PTPRD: variants seen among roughly 807,000 people sequenced by gnomAD.
The protein encoded by PTPRD is protein tyrosine phosphatase receptor type D.
PTPRD carries 34 observed loss-of-function variants against 214.5 expected under a neutral mutation model. The ratio of observed to expected loss-of-function variants is 0.16; its 90% CI spans 0.12 to 0.21. PTPRD has a LOEUF of 0.21. Among genes scored for constraint, PTPRD ranks in the 10% least tolerant of loss-of-function variants. The pLI, the probability that PTPRD is intolerant of heterozygous loss-of-function variation, is 1.00. For missense variants in PTPRD, 2,545 were observed against 2,398.7 expected (o/e 1.06, Z -1.27); for synonymous variants, 1,128 against 845.7 (o/e 1.33, Z -5.79).
intron 14 of PTPRD, among the ~76,000 whole-genome samples, chr9:8,611,447 G>C (rs745342344): frequency 6.6e-6 from 1 of 152,252 alleles, no homozygotes; most frequent in South Asian, 2.1e-4. Flanking sequence ...GCTCACACCT[G>C]TAATCCCAGC....
chr9:9,265,799 A>T (rs909478632), intron 9 of PTPRD, among the ~76,000 whole-genome samples: 4 of 151,556 alleles, frequency 2.6e-5, no homozygotes, highest in African/African-American at 9.7e-5. Context: ...CAATAAAAAA[A>T]AATAAAGAAA....
chr9:10,414,439 T>C (rs980099715), intron 2 of PTPRD, among the ~76,000 whole-genome samples: 7 of 151,670 alleles, frequency 4.6e-5, no homozygotes, highest in African/African-American at 1.7e-4. Context: ...CAAAACATAA[T>C]AGATGCTGGC....
chr9:10,317,774 A>G (rs944850627), intron 3 of PTPRD, among the ~76,000 whole-genome samples: 10 of 152,144 alleles, frequency 6.6e-5, no homozygotes, highest in Admixed American at 1.3e-4. Context: ...TTTGGCCCCA[A>G]TGTGGTCTAT....
At chr9:10,223,328 G>C (rs186678412) in intron 3 of PTPRD, among the ~76,000 whole-genome samples, 5 of 151,870 alleles carry the variant, frequency 3.3e-5, no homozygotes, top group African/African-American at 7.2e-5. Context: ...ACTAAGACTA[G>C]ATTGAAAGTC....
chr9:8,442,978 A>C (rs1445890862), intron 34 of PTPRD, among the ~76,000 whole-genome samples: 1 of 152,196 alleles, frequency 6.6e-6, no homozygotes, highest in Non-Finnish European at 1.5e-5. Context: ...CCGTTTCTGC[A>C]ACAAAAATTT....
At chr9:8,816,434 A>C (rs1032168699) in intron 11 of PTPRD, among the ~76,000 whole-genome samples, 1 of 152,206 alleles carries the variant, frequency 6.6e-6, no homozygotes, top group African/African-American at 2.4e-5. Flanking sequence ...GTTGACCCTG[A>C]AAGTGATCTC....
At chr9:9,634,566 T>G (rs551005982) in intron 7 of PTPRD, among the ~76,000 whole-genome samples, 2 of 152,192 alleles carry the variant, frequency 1.3e-5, no homozygotes, top group Non-Finnish European at 2.9e-5. Flanking sequence ...AATAAATGCT[T>G]GATCATATCT....
At chr9:10,403,459 A>C (rs1277752237) in intron 2 of PTPRD, among the ~76,000 whole-genome samples, 1 of 151,328 alleles carries the variant, frequency 6.6e-6, no homozygotes, top group Non-Finnish European at 1.5e-5. Flanking sequence ...ACCTATTAGA[A>C]TTGACAAAAT....
At chr9:8,845,282 G>A (rs1277906360) in intron 11 of PTPRD, among the ~76,000 whole-genome samples, 6 of 152,176 alleles carry the variant, frequency 3.9e-5, no homozygotes, top group African/African-American at 1.4e-4. Context: ...TTGTCAAGAG[G>A]TTATCTCCTT....
chr9:10,604,296 G>T (rs1591829461), intron 2 of PTPRD, among the ~76,000 whole-genome samples: 1 of 151,872 alleles, frequency 6.6e-6, no homozygotes, highest in South Asian at 2.1e-4. Flanking sequence ...ATCTATATCT[G>T]TATCTATAAT....
At chr9:10,493,284 T>G (rs1490488088) in intron 2 of PTPRD, among the ~76,000 whole-genome samples, 1 of 152,056 alleles carries the variant, frequency 6.6e-6, no homozygotes, top group Non-Finnish European at 1.5e-5. Context: ...AGAACCTGTA[T>G]AGCCATAACA....
At chr9:9,599,942 T>A (rs926605383) in intron 7 of PTPRD, among the ~76,000 whole-genome samples, 1 of 152,096 alleles carries the variant, frequency 6.6e-6, no homozygotes, top group African/African-American at 2.4e-5. Flanking sequence ...ACTGACAGAA[T>A]TATTTAATAT....
At chr9:9,007,900 T>G (rs1196015829) in intron 11 of PTPRD, among the ~76,000 whole-genome samples, 3 of 118,260 alleles carry the variant, frequency 2.5e-5, no homozygotes, top group African/African-American at 8.2e-5. Flanking sequence ...TTTTTTTTGT[T>G]TTTGAAATTT....
At chr9:9,557,800 CT>C (rs1434278190) in intron 8 of PTPRD, among the ~76,000 whole-genome samples, 2 of 152,278 alleles carry the variant, frequency 1.3e-5, no homozygotes, top group Admixed American at 1.3e-4. Flanking sequence ...TCCTGGAGTC[CT>C]GGTCCAGCCC....
chr9:8,393,528 A>G (rs10977035), intron 36 of PTPRD, among the ~76,000 whole-genome samples: 29,720 of 152,000 alleles, frequency 0.2, 3,468 homozygotes, highest in Non-Finnish European at 0.26. Context: ...AAAATTTTAG[A>G]ACACATTGGC....
chr9:9,467,108 A>G (rs1394347100), intron 8 of PTPRD, among the ~76,000 whole-genome samples: 1 of 151,848 alleles, frequency 6.6e-6, no homozygotes, highest in African/African-American at 2.4e-5. Context: ...ATTTCCAAAC[A>G]GTTGTTACTA....
intron 12 of PTPRD, chr9:8,713,490 G>A: frequency 8.8e-7 from 1 of 1,136,546 alleles, no homozygotes; most frequent in African/African-American, 1.5e-5. Flanking sequence ...CTTCAGGGGA[G>A]ACTGTCTACT....
chr9:9,472,305 G>A (rs1237400700), intron 8 of PTPRD, among the ~76,000 whole-genome samples: 9 of 147,692 alleles, frequency 6.1e-5, no homozygotes, highest in Non-Finnish European at 1.3e-4. Flanking sequence ...CCGGGTTCAC[G>A]CCATTCTCCT....
At chr9:8,774,596 G>A (rs541237834) in intron 11 of PTPRD, among the ~76,000 whole-genome samples, 6 of 137,194 alleles carry the variant, frequency 4.4e-5, no homozygotes, top group East Asian at 4.2e-4. Flanking sequence ...GTGCAATGGC[G>A]CAATCTCGGC....
Sources: gnomAD v4.1 joint callset for allele counts (sites outside exome capture counted in the v4.1 genomes callset) on GRCh38, gnomAD v4.1.1 for gene constraint, MANE v1.5 for transcripts, NCBI Gene and HGNC (gene_info 2026-07-23, HGNC 2026-07-21) for gene names.